Variants in ATAD2B observed in about 807,000 individuals in gnomAD.
The protein encoded by ATAD2B is ATPase family AAA domain containing 2B.
Under a neutral mutation model 167.6 loss-of-function variants are expected in ATAD2B, and 40 were observed. The ratio of observed to expected loss-of-function variants is 0.24; its 90% CI spans 0.19 to 0.31. The LOEUF (loss-of-function observed/expected upper bound fraction) is 0.31, where lower values mean the gene tolerates loss of function less well. Among genes scored for constraint, ATAD2B ranks in the 10% least tolerant of loss-of-function variants. The probability of loss-of-function intolerance (pLI) is 1.00; values close to 1 mark genes in which losing one functional copy is unlikely to be tolerated. For synonymous variants in ATAD2B, 579 were observed against 596.5 expected (o/e 0.97, Z 0.43); for missense variants, 1,242 against 1,757.2 (o/e 0.71, Z 5.24).
At chr2:23,817,007 C>A (rs112419121) in intron 17 of ATAD2B, among the ~76,000 whole-genome samples, 137 of 152,286 alleles carry the variant, frequency 9.0e-4, no homozygotes, top group African/African-American at 3.2e-3. Context: ...TGGCCGAGCA[C>A]CTTTTCTTCT....
At chr2:23,703,639 T>C in the ATAD2B span, 1 of 1,442,054 alleles carries the variant, frequency 6.9e-7, no homozygotes. Context: ...CTTCCTTCCC[T>C]GGAGGGTCTT....
intron 18 of ATAD2B, among the ~76,000 whole-genome samples, chr2:23,803,088 T>C (rs534704792): frequency 1.3e-3 from 205 of 152,138 alleles, no homozygotes; most frequent in African/African-American, 4.7e-3. Context: ...GAGGCAAAAA[T>C]TATATTTGAG....
intron 13 of ATAD2B, among the ~76,000 whole-genome samples, chr2:23,838,390 T>C (rs981325856): frequency 6.6e-6 from 1 of 152,082 alleles, no homozygotes; most frequent in Non-Finnish European, 1.5e-5. Context: ...GACGATAAAG[T>C]CTCAGACATG....
At chr2:23,688,927 C>A in the ATAD2B span, 3 of 152,288 alleles carry the variant, frequency 2.0e-5, no homozygotes, top group African/African-American at 7.2e-5. Flanking sequence ...ACGGGGGTGT[C>A]CCCTCTGGGG....
chr2:23,922,670 C>A (rs1250498639), intron 1 of ATAD2B, among the ~76,000 whole-genome samples: 1 of 146,490 alleles, frequency 6.8e-6, no homozygotes, highest in Non-Finnish European at 1.5e-5. Flanking sequence ...GTGAACCACT[C>A]CAGCCTGGGC....
At chr2:23,688,892 T>C in the ATAD2B span, 1 of 152,470 alleles carries the variant, frequency 6.6e-6, no homozygotes, top group Non-Finnish European at 1.5e-5. Context: ...GACGCAGCCC[T>C]CGTCAGCGAC....
downstream of ATAD2B, among the ~76,000 whole-genome samples, chr2:23,747,896 G>A (rs892045128): frequency 6.6e-6 from 1 of 151,956 alleles, no homozygotes; most frequent in Non-Finnish European, 1.5e-5. Flanking sequence ...TGAGTCTTAT[G>A]GAAACTAAAA....
the ATAD2B span, among the ~76,000 whole-genome samples, chr2:23,711,669 C>T: frequency 6.6e-6 from 1 of 152,102 alleles, no homozygotes; most frequent in Non-Finnish European, 1.5e-5. Flanking sequence ...CTGCGCCTGG[C>T]CCTTTCCCCA....
chr2:23,843,143 T>C (rs982986216), intron 13 of ATAD2B, among the ~76,000 whole-genome samples: 1 of 152,026 alleles, frequency 6.6e-6, no homozygotes, highest in African/African-American at 2.4e-5. Flanking sequence ...GAAAATCACA[T>C]TGGAAAAACA....
At chr2:23,757,124 C>T (rs1676042519) in intron 25 of ATAD2B, among the ~76,000 whole-genome samples, 1 of 152,130 alleles carries the variant, frequency 6.6e-6, no homozygotes, top group Admixed American at 6.6e-5. Context: ...AGTCATAAAT[C>T]CCTGAGGCTA....
chr2:23,823,364 T>G lies in ATAD2B; in HGVS notation c.2025A>C (p.Leu675=). ...QRAVMSSGHA[L]SPIIRPLLER... is the part of the protein sequence containing the mutation. ...CCAGCAGTGGTCTTATGATGGGGGA[T>G]AGTGCATGCCCTGAAGACATCACAG... Residue 675 remains leucine (L), a synonymous_variant, in exon 16 of 28, where the codon CTA becomes CTC. Coordinates refer to ENST00000238789, the MANE Select transcript of ATAD2B (RefSeq NM_017552.4). 6.2e-7 allele frequency: 1 copy of G among 1,613,954 alleles called. No homozygotes were observed. The highest frequency in any genetic ancestry group is 8.5e-7 in the Non-Finnish European group (1 of 1,179,866).
At chr2:23,908,700 T>C (rs1200141661) in intron 1 of ATAD2B, among the ~76,000 whole-genome samples, 10 of 152,042 alleles carry the variant, frequency 6.6e-5, no homozygotes, top group African/African-American at 2.4e-4. Flanking sequence ...ATGTTTATTG[T>C]GGCATTATTC....
At chr2:23,884,905 C>T (rs1158172056) in intron 5 of ATAD2B, 32 bp from the exon 6 acceptor site, 3 of 1,375,982 alleles carry the variant, frequency 2.2e-6, no homozygotes, top group African/African-American at 2.9e-5. Context: ...CAAATAGCAA[C>T]ATGACATTTA....
chr2:23,785,951 C>T (rs1680749103), intron 21 of ATAD2B, 76 bp downstream of exon 21: 3 of 1,328,894 alleles, frequency 2.3e-6, no homozygotes, highest in Non-Finnish European at 3.0e-6. Flanking sequence ...CTTTTTTTTC[C>T]TTCCAAAAAA....
chr2:23,724,489 A>C, the ATAD2B span, among the ~76,000 whole-genome samples: 2 of 152,144 alleles, frequency 1.3e-5, no homozygotes, highest in Non-Finnish European at 2.9e-5. Context: ...AATTGAAAAG[A>C]GCCTCAGAGA....
chr2:23,786,139 T>A lies in ATAD2B; in HGVS notation c.2861A>T (p.Asp954Val), dbSNP rs1297511262. The change falls in exon 21 of 28, where the codon GAC becomes GTC. Residue 954 changes from aspartate (D) to valine (V), a missense_variant. Around this residue, in one of 9 missense-constraint regions of ATAD2B, gnomAD observed 204 missense variants for 324.0 expected, o/e 0.63. Transcript: ENST00000238789. ...LSESEKSRME[D>V]QEENTLRELR... Reference sequence around the variant, plus strand: ...CTCTCTTAAAGTATTTTCCTCCTGGTCCTCCATTCGACTTTTTTCTGATTC... The same window carrying A: ...CTCTCTTAAAGTATTTTCCTCCTGGACCTCCATTCGACTTTTTTCTGATTC... The A allele has an allele frequency of 6.2e-7, 1 of 1,606,286 alleles. No individual in the cohort carries two copies. The highest frequency in any genetic ancestry group is 8.5e-7 in the Non-Finnish European group (1 of 1,176,170).
At chr2:23,681,813 C>T in the ATAD2B span, among the ~76,000 whole-genome samples, 4 of 152,180 alleles carry the variant, frequency 2.6e-5, no homozygotes, top group Non-Finnish European at 5.9e-5. The surrounding 1 kb of genome is among the most constrained non-coding windows in gnomAD (Gnocchi z 4.2). Flanking sequence ...CTACCTGGCT[C>T]GTGGTTTGGG....
chr2:23,736,908 C>T, the ATAD2B span, among the ~76,000 whole-genome samples: 1 of 152,228 alleles, frequency 6.6e-6, no homozygotes, highest in African/African-American at 2.4e-5. Context: ...CCGCACCTGG[C>T]TCGGAGGGTC....
At chr2:23,818,283 G>A (rs1686874149) in intron 17 of ATAD2B, among the ~76,000 whole-genome samples, 1 of 108,612 alleles carries the variant, frequency 9.2e-6, no homozygotes, top group African/African-American at 3.3e-5. Context: ...GAGGGAAGAA[G>A]AGAGGGAGGG....
Sources: gnomAD v4.1 joint callset for allele counts (sites outside exome capture counted in the v4.1 genomes callset) on GRCh38, gnomAD v4.1.1 for gene constraint, gnomAD v4.1.1 regional missense constraint, Gnocchi (gnomAD v3.1) non-coding constraint, MANE v1.5 for transcripts, NCBI Gene and HGNC (gene_info 2026-07-23, HGNC 2026-07-21) for gene names.